Variants in CDH13 observed in about 807,000 individuals in gnomAD.
The protein encoded by CDH13 is cadherin-13.
CDH13 carries 24 observed loss-of-function variants against 63.8 expected under a neutral mutation model. The observed-to-expected ratio is 0.38, with a 90% CI of 0.27 to 0.53. The LOEUF (loss-of-function observed/expected upper bound fraction) is 0.53. Among genes scored for constraint, CDH13 ranks in the 20% least tolerant of loss-of-function variants. CDH13 has a pLI of 0.85. For synonymous variants in CDH13, 503 were observed against 355.3 expected, an observed-to-expected ratio of 1.42 and a Z score of -4.67; for missense variants, 1,049 against 903.1, an observed-to-expected ratio of 1.16 and a Z score of -2.07.
chr16:83,062,892 G>A lies in CDH13; in HGVS notation c.366+30674G>A, dbSNP rs571560393. ...CTGGCACCTTGGTGATTCTTTGCAT[G>A]CACCTTGGTGATTCTATGTGCTGTT... is the stretch of plus-strand genomic sequence containing the variant. On this transcript the variant is annotated intron_variant, in intron 3 of 13. Coordinates refer to ENST00000567109, the MANE Select transcript of CDH13 (RefSeq NM_001257.5). 3.3e-5 allele frequency among the ~76,000 whole-genome samples: 5 copies of A among 151,814 alleles called. No homozygotes were observed. In the South Asian group the frequency reaches 6.2e-4, roughly 19 times the overall value.
rs1567715397 is a variant in CDH13 at position 83,500,328 on chromosome 16, TCC to T, written c.960+13674_960+13675del. 0.04 allele frequency among the ~76,000 whole-genome samples: 40 copies of T among 996 alleles called. 18 individuals are homozygous for T. The Non-Finnish European group carries it at 0.52, about 13-fold the overall frequency. The allele number at this position is 996 out of a possible 152,430, so 0.7% of individuals were successfully genotyped here. On this transcript the variant is annotated intron_variant, in intron 7 of 13. Transcript: ENST00000567109. ...CTTCTCCTTCTCCTTCTCCTCCTCC[TCC>T]TCCTCCTCCTCCTCCTCCTCCTCCT...
intron 8 of CDH13, among the ~76,000 whole-genome samples, chr16:83,665,062 C>T (rs988857868): frequency 1.2e-4 from 19 of 152,084 alleles, no homozygotes; most frequent in Non-Finnish European, 1.3e-4. Flanking sequence ...TATCTAATGC[C>T]GCTTTCCCTT....
chr16:82,959,675 C>G (rs1906663886), intron 2 of CDH13, among the ~76,000 whole-genome samples: 1 of 152,198 alleles, frequency 6.6e-6, no homozygotes, highest in Admixed American at 6.5e-5. Context: ...TTAAGGTCAG[C>G]TGATTAACAA....
At chr16:83,182,085 A>T (rs959700364) in intron 4 of CDH13, among the ~76,000 whole-genome samples, 6 of 152,218 alleles carry the variant, frequency 3.9e-5, no homozygotes, top group African/African-American at 1.4e-4. Context: ...GTAATTGCTC[A>T]ATAAATACCA....
intron 4 of CDH13, among the ~76,000 whole-genome samples, chr16:83,178,463 C>T (rs2038218137): frequency 6.6e-6 from 1 of 152,180 alleles, no homozygotes; most frequent in Non-Finnish European, 1.5e-5. Flanking sequence ...AATTTTCTGA[C>T]ATTTCATAGA....
At chr16:82,899,199 T>C (rs747895794) in intron 2 of CDH13, among the ~76,000 whole-genome samples, 1 of 152,198 alleles carries the variant, frequency 6.6e-6, no homozygotes, top group Non-Finnish European at 1.5e-5. Flanking sequence ...AGACCAAGTG[T>C]CTGTGATGTC....
intron 4 of CDH13, among the ~76,000 whole-genome samples, chr16:83,200,655 C>T (rs941572774): frequency 2.6e-5 from 4 of 152,192 alleles, no homozygotes; most frequent in African/African-American, 7.2e-5. Flanking sequence ...TATTAGTAAC[C>T]GAAACTTGAG....
chr16:82,948,972 T>C (rs1460144196), intron 2 of CDH13, among the ~76,000 whole-genome samples: 1 of 152,180 alleles, frequency 6.6e-6, no homozygotes, highest in African/African-American at 2.4e-5. Context: ...CTATAGAAAA[T>C]TCAGTGACTG....
At chr16:83,447,316 A>T (rs1216607180) in intron 6 of CDH13, among the ~76,000 whole-genome samples, 1 of 151,746 alleles carries the variant, frequency 6.6e-6, no homozygotes, top group East Asian at 1.9e-4. Context: ...TCAGGAGGCC[A>T]AGGCAGGAGA....
chr16:82,678,370 C>A (rs1281890606), intron 1 of CDH13, among the ~76,000 whole-genome samples: 1 of 148,234 alleles, frequency 6.7e-6, no homozygotes, highest in Non-Finnish European at 1.5e-5. Context: ...CATGATTTCC[C>A]TAGTAGAAGT....
At chr16:83,430,448 T>G (rs897080588) in intron 6 of CDH13, among the ~76,000 whole-genome samples, 4 of 152,244 alleles carry the variant, frequency 2.6e-5, no homozygotes, top group Non-Finnish European at 5.9e-5. Context: ...CTAAAGTAGT[T>G]GACTCTTATT....
chr16:83,556,039 A>G (rs182294089), intron 7 of CDH13, among the ~76,000 whole-genome samples: 223 of 152,272 alleles, frequency 1.5e-3, no homozygotes, highest in African/African-American at 5.1e-3. Context: ...GACTCAAACT[A>G]TGCACCAGTA....
chr16:82,961,890 C>T (rs910516518), intron 2 of CDH13, among the ~76,000 whole-genome samples: 2 of 152,192 alleles, frequency 1.3e-5, no homozygotes, highest in Non-Finnish European at 2.9e-5. Flanking sequence ...TAACCTCCTA[C>T]AATGCACTAG....
chr16:83,303,247 A>G (rs1371322128), intron 5 of CDH13, among the ~76,000 whole-genome samples: 1 of 152,198 alleles, frequency 6.6e-6, no homozygotes, highest in Admixed American at 6.5e-5. Context: ...TGTTAGGAAG[A>G]TGAATAGGAG....
At chr16:82,888,444 T>C (rs989715281) in intron 2 of CDH13, among the ~76,000 whole-genome samples, 5 of 152,202 alleles carry the variant, frequency 3.3e-5, no homozygotes, top group Non-Finnish European at 2.9e-5. Context: ...AGAAACAGAA[T>C]GGCAAGTACA....
chr16:83,225,682 G>A (rs925494535), intron 5 of CDH13, among the ~76,000 whole-genome samples: 2 of 152,170 alleles, frequency 1.3e-5, no homozygotes, highest in Non-Finnish European at 2.9e-5. Context: ...CATCTGGGGA[G>A]CTTTGAAAAC....
intron 1 of CDH13, among the ~76,000 whole-genome samples, chr16:82,760,934 C>T (rs2034813605): frequency 6.6e-6 from 1 of 151,224 alleles, no homozygotes; most frequent in Admixed American, 6.6e-5. Context: ...GGCAGGAAGC[C>T]ATTCAGGAGG....
intron 6 of CDH13, among the ~76,000 whole-genome samples, chr16:83,355,961 A>G (rs996950227): frequency 7.9e-5 from 12 of 152,170 alleles, no homozygotes; most frequent in African/African-American, 2.9e-4. Context: ...ACGTTTGACA[A>G]TTGAGGAAAC....
intron 6 of CDH13, among the ~76,000 whole-genome samples, chr16:83,382,816 G>C (rs543185317): frequency 2.6e-5 from 4 of 152,232 alleles, no homozygotes; most frequent in African/African-American, 9.6e-5. Context: ...GTTCTCATCT[G>C]GAGCTGACTT....
Sources: allele counts gnomAD v4.1 joint callset (sites outside exome capture counted in the v4.1 genomes callset), GRCh38; gene constraint gnomAD v4.1.1; transcripts MANE v1.5; gene names NCBI Gene and HGNC (gene_info 2026-07-23, HGNC 2026-07-21).